Variants in PIKFYVE observed in about 807,000 individuals in gnomAD.
PIKFYVE encodes 1-phosphatidylinositol 3-phosphate 5-kinase.
In PIKFYVE, 122 loss-of-function variants were observed where a neutral mutation model predicts 257.9. The observed-to-expected ratio is 0.47, with a 90% CI of 0.41 to 0.55. The LOEUF (loss-of-function observed/expected upper bound fraction) is 0.55, where lower values mean the gene tolerates loss of function less well. Among genes scored for constraint, PIKFYVE ranks in the 20% least tolerant of loss-of-function variants. PIKFYVE has a pLI of 0.00. For synonymous variants in PIKFYVE, 892 were observed against 868.9 expected (o/e 1.03, Z -0.47); for missense variants, 2,160 against 2,536.6 (o/e 0.85, Z 3.19).
At chr2:208,270,890 C>T (rs1330015197) in intron 1 of PIKFYVE, among the ~76,000 whole-genome samples, 1 of 151,860 alleles carries the variant, frequency 6.6e-6, no homozygotes, top group East Asian at 1.9e-4. Flanking sequence ...AAAAAATTAA[C>T]TGGGCGTGGT....
intron 29 of PIKFYVE, among the ~76,000 whole-genome samples, chr2:208,338,925 A>G (rs1698434423): frequency 6.6e-6 from 1 of 152,214 alleles, no homozygotes; most frequent in Non-Finnish European, 1.5e-5. Flanking sequence ...TATTGTCTAG[A>G]CCTAAGATGT....
intron 24 of PIKFYVE, among the ~76,000 whole-genome samples, chr2:208,333,864 T>C (rs192216345): frequency 5.9e-5 from 9 of 152,270 alleles, no homozygotes; most frequent in Non-Finnish European, 4.4e-5. Flanking sequence ...CAGGCTGGTC[T>C]TGAAGTGTGC....
At chr2:208,352,837 G>C in intron 39 of PIKFYVE, 55 bp downstream of exon 39, 1 of 1,586,978 alleles carries the variant, frequency 6.3e-7, no homozygotes, top group Non-Finnish European at 8.6e-7. Flanking sequence ...TTGTACCTTT[G>C]GTTCTTAAAT....
chr2:208,344,765 C>G (rs867228724), intron 32 of PIKFYVE, among the ~76,000 whole-genome samples: 5 of 150,554 alleles, frequency 3.3e-5, no homozygotes, highest in Admixed American at 2.6e-4. Flanking sequence ...CTCTCAAGTT[C>G]TTTTTTTCTC....
Position 208,305,509 on chromosome 2 carries a change from T to C in PIKFYVE, c.1636+496T>C, listed in dbSNP as rs193181717. On this transcript the variant is annotated intron_variant, in intron 12 of 41. Coordinates refer to ENST00000264380, the MANE Select transcript of PIKFYVE (RefSeq NM_015040.4). The stretch of plus-strand genomic sequence containing the variant: ...AATAATTCATAATGCTTATTATGTA[T>C]ATTCTATATTTATTAAAACAATTTC... 2.8e-4 allele frequency: 240 copies of C among 851,428 alleles called. No individual in the cohort carries two copies. The African/African-American group carries it at 4.2e-3, about 15-fold the overall frequency. The allele number at this position is 851,428 out of a possible 1,614,324, so 52.7% of individuals were successfully genotyped here.
At chr2:208,272,794 T>TAAAA (rs533758485) in intron 2 of PIKFYVE, among the ~76,000 whole-genome samples, 15 of 147,098 alleles carry the variant, frequency 1.0e-4, no homozygotes, top group South Asian at 6.5e-4. Context: ...CAATGATACT[T>TAAAA]AAAAAAAAAA....
Position 208,271,587 on chromosome 2 carries a change from G to A in PIKFYVE, c.68G>A (p.Ser23Asn), listed in dbSNP as rs1473585449. 6.2e-7 allele frequency: 1 copy of A among 1,614,024 alleles called. No individual in the cohort carries two copies. The highest frequency in any genetic ancestry group is 1.7e-5 in the Admixed American group (1 of 60,024). Reference sequence around the variant, plus strand: ...AATGATTTGCCTCGATCTCCTACTAGTCCTTCTCATCTCACACACTTTAAA... The same window carrying A: ...AATGATTTGCCTCGATCTCCTACTAATCCTTCTCATCTCACACACTTTAAA... ...SANDLPRSPT[S>N]PSHLTHFKPL... Residue 23 changes from serine to asparagine, a missense_variant, in exon 2 of 42, where the codon AGT becomes AAT. Ser to Asn is a conservative substitution (Grantham distance 46). This residue lies in a region of PIKFYVE where 172 missense variants were observed against 180.6 expected (regional missense o/e 0.95). Coordinates refer to ENST00000264380, the MANE Select transcript of PIKFYVE (RefSeq NM_015040.4).
Position 208,292,057 on chromosome 2 carries a change from AT to A in PIKFYVE, c.911+3248del, listed in dbSNP as rs913205983. ...CTTTATATTCTTCTTTGACTCATGTATTTTTTTTTACAAGTGTGTTGTTTCA... is the reference window on the plus strand; with the variant it reads ...CTTTATATTCTTCTTTGACTCATGTATTTTTTTTACAAGTGTGTTGTTTCA... On this transcript the variant is annotated intron_variant, in intron 7 of 41. Coordinates refer to ENST00000264380, the MANE Select transcript of PIKFYVE (RefSeq NM_015040.4). Among the ~76,000 whole-genome samples, 19 of 150,916 alleles carry A rather than the reference AT, an allele frequency of 1.3e-4. No individual in the cohort carries two copies. In the South Asian group the frequency reaches 1.7e-3, roughly 13 times the overall value.
chr2:208,271,466 C>A, intron 1 of PIKFYVE, 45 bp from the exon 2 acceptor site: 1 of 1,585,208 alleles, frequency 6.3e-7, no homozygotes, highest in Non-Finnish European at 8.7e-7. Context: ...AACTTTTGAG[C>A]TTCCTGAGGA....
chr2:208,316,964 T>C (rs1559112267), intron 15 of PIKFYVE, among the ~76,000 whole-genome samples: 1 of 152,098 alleles, frequency 6.6e-6, no homozygotes, highest in Non-Finnish European at 1.5e-5. Context: ...CTTCCTTACA[T>C]CTTATACAAA....
intron 2 of PIKFYVE, 83 bp downstream of exon 2, chr2:208,271,774 A>G (rs948943480): frequency 1.5e-6 from 2 of 1,333,824 alleles, no homozygotes; most frequent in African/African-American, 2.9e-5. Flanking sequence ...CACCATGATC[A>G]TATAGTGGTT....
In PIKFYVE at chr2:208,273,610, C is replaced by T. The variant is rs747514441; in HGVS notation, c.199C>T (p.Gln67Ter). The T allele has an allele frequency of 1.2e-6, 2 of 1,614,170 alleles. No homozygotes were observed. The highest frequency in any genetic ancestry group is 1.7e-6 in the Non-Finnish European group (2 of 1,180,026). Reference sequence around the variant, plus strand: ...GAGAGCAGAAGGAGGCCAGGGAGAACAGCAGCCTTTGAGTGGAAGTTGGAC... The same window carrying T: ...GAGAGCAGAAGGAGGCCAGGGAGAATAGCAGCCTTTGAGTGGAAGTTGGAC... The part of the protein sequence containing the change: ...KERAEGGQGE[Q>*]QPLSGSWTSP... The change falls in exon 3 of 42, where the codon CAG (glutamine) becomes TAG (stop). Residue 67 changes from glutamine (Q) to a stop codon, truncating the protein, a stop_gained. Transcript: ENST00000264380. LOFTEE classifies it high-confidence loss of function.
intron 36 of PIKFYVE, among the ~76,000 whole-genome samples, chr2:208,350,523 T>A (rs1297683276): frequency 6.6e-6 from 1 of 152,144 alleles, no homozygotes; most frequent in Non-Finnish European, 1.5e-5. Flanking sequence ...GTCTTTTTTT[T>A]ATGTGATTTT....
chr2:208,324,619 CAG>C (rs1440945898), intron 18 of PIKFYVE, among the ~76,000 whole-genome samples: 1 of 152,162 alleles, frequency 6.6e-6, no homozygotes, highest in African/African-American at 2.4e-5. Context: ...CTGTGCAGAA[CAG>C]GGGCCAATTC....
chr2:208,327,042 T>C (rs1379194251), intron 20 of PIKFYVE, among the ~76,000 whole-genome samples: 1 of 152,162 alleles, frequency 6.6e-6, no homozygotes, highest in East Asian at 1.9e-4. Flanking sequence ...AACGAGAAGA[T>C]GTCCAATTTC....
chr2:208,276,713 C>A lies in PIKFYVE; in HGVS notation c.324C>A (p.Asp108Glu). 1 of 1,611,554 alleles carries A rather than the reference C, an allele frequency of 6.2e-7. No individual in the cohort carries two copies. The highest frequency in any genetic ancestry group is 8.5e-7 in the Non-Finnish European group (1 of 1,177,856). Residue 108 changes from aspartate (D) to glutamate (E), a missense_variant and splice_region_variant, in exon 4 of 42, where the codon GAC becomes GAA. Asp to Glu is a conservative substitution (Grantham distance 45, BLOSUM62 2). Around this residue, in one of 12 missense-constraint regions of PIKFYVE, gnomAD observed 172 missense variants for 180.6 expected, o/e 0.95. Transcript: ENST00000264380. ...EELQRRSSAL[D>E]TRRKAEPTFG... is the part of the protein sequence containing the mutation. ...TGCTTTTTTTTTAATCCAACTCAGA[C>A]ACAAGAAGGAAAGCAGAACCTACCT...
At chr2:208,319,870 A>G (rs970797517) in intron 16 of PIKFYVE, among the ~76,000 whole-genome samples, 1 of 152,144 alleles carries the variant, frequency 6.6e-6, no homozygotes, top group African/African-American at 2.4e-5. Context: ...TAGACAGACT[A>G]AAATATGCTT....
intron 1 of PIKFYVE, 60 bp from the exon 2 acceptor site, chr2:208,271,451 G>T: frequency 6.7e-7 from 1 of 1,501,940 alleles, no homozygotes; most frequent in Non-Finnish European, 9.3e-7. Context: ...ATGCTGTTTG[G>T]AATCAACTTT....
chr2:208,328,184 A>C lies in PIKFYVE; in HGVS notation c.3623A>C (p.Asp1208Ala). 1 of 1,613,744 alleles carries C rather than the reference A, an allele frequency of 6.2e-7. No individual in the cohort carries two copies. The highest frequency in any genetic ancestry group is 1.1e-5 in the South Asian group (1 of 91,076). The change falls in exon 21 of 42, where the codon GAC (aspartate) becomes GCC (alanine). Residue 1208 changes from aspartate to alanine, a missense_variant. By Grantham distance (126) the Asp-to-Ala change is moderately radical. Coordinates refer to ENST00000264380, the MANE Select transcript of PIKFYVE (RefSeq NM_015040.4). ...LSDAVWSTKV[D>A]CLNPINHQRL... ...CATTCATTCCTTCTATTTCAGGTGG[A>C]CTGTCTGAATCCCATTAATCACCAG...
Sources: allele counts gnomAD v4.1 joint callset (sites outside exome capture counted in the v4.1 genomes callset), GRCh38; gene constraint gnomAD v4.1.1; regional missense constraint gnomAD v4.1.1; transcripts MANE v1.5; gene names NCBI Gene and HGNC (gene_info 2026-07-23, HGNC 2026-07-21).